The following ADAM17 variants were observed in gnomAD, a reference collection of about 807,000 sequenced individuals.
ADAM17 encodes disintegrin and metalloproteinase domain-containing protein 17.
A neutral mutation model predicts 96.7 loss-of-function variants in ADAM17; 39 were observed. The ratio of observed to expected loss-of-function variants is 0.40; its 90% confidence interval spans 0.31 to 0.53. ADAM17 has a LOEUF of 0.53. Ranked by LOEUF, ADAM17 falls within the 20% of genes least tolerant of loss-of-function variation. ADAM17 has a pLI of 0.44. For missense variants in ADAM17, 777 were observed against 1,013.2 expected (o/e 0.77, Z 3.17); for synonymous variants, 344 against 359.2 (o/e 0.96, Z 0.48).
rs746264614 is a variant in ADAM17 at position 9,490,391 on chromosome 2, A to C, written c.2261T>G (p.Leu754Arg). The change falls in exon 19 of 19, where the codon CTG becomes CGG. Residue 754 changes from leucine (L) to arginine (R), a missense_variant. Coordinates refer to ENST00000310823, the MANE Select transcript of ADAM17 (RefSeq NM_003183.6). ...VIPSAPAAPK[L>R]DHQRMDTIQE... ...GATGGTGTCCATTCTCTGGTGGTCCAGTTTTGGAGCTGCTGGCGCCGAAGG... is the reference window on the plus strand; with the variant it reads ...GATGGTGTCCATTCTCTGGTGGTCCCGTTTTGGAGCTGCTGGCGCCGAAGG... 4 of 1,613,938 alleles carry C rather than the reference A, an allele frequency of 2.5e-6. No homozygotes were observed. The highest frequency in any genetic ancestry group is 1.6e-4 in the Middle Eastern group (1 of 6,084).
chr2:9,492,959 C>A lies in ADAM17; in HGVS notation c.2021G>T (p.Gly674Val). The A allele has an allele frequency of 6.2e-7, 1 of 1,611,244 alleles. No homozygotes were observed. Among genetic ancestry groups the A allele is most frequent in the South Asian group, 1.1e-5 (1 of 90,662 alleles). The stretch of plus-strand genomic sequence containing the variant: ...TATCAAGGAGAAAACCAGGACAGAC[C>A]CAACGATGTTGTCTGCTAAAAACTT... ...FGKFLADNIV[G>V]SVLVFSLIFW... The change falls in exon 17 of 19, where the codon GGG (glycine) becomes GTG (valine). Residue 674 changes from glycine (G) to valine (V), a missense_variant. Gly to Val is a moderately radical substitution (Grantham distance 109, BLOSUM62 -3). Transcript: ENST00000310823.
chr2:9,497,422 G>A (rs993250947), intron 13 of ADAM17, among the ~76,000 whole-genome samples, 174 bp from the exon 14 acceptor site: 2 of 152,226 alleles, frequency 1.3e-5, no homozygotes, highest in African/African-American at 4.8e-5. Context: ...ATTTAAATGG[G>A]AGTGCCTGGC....
chr2:9,545,742 C>G (rs573155558), intron 1 of ADAM17, among the ~76,000 whole-genome samples: 2 of 152,250 alleles, frequency 1.3e-5, no homozygotes, highest in Non-Finnish European at 1.5e-5. Context: ...TGTTGTAACA[C>G]TTCCAAAGAC....
intron 1 of ADAM17, among the ~76,000 whole-genome samples, chr2:9,549,142 G>A (rs922702826): frequency 7.2e-5 from 11 of 152,208 alleles, no homozygotes; most frequent in African/African-American, 2.7e-4. Flanking sequence ...GGAGGCCGAG[G>A]TGGGTGGATC....
Position 9,488,527 on chromosome 2 carries a change from C to T in ADAM17, c.*1650G>A. The T allele has an allele frequency of 6.8e-6, 3 of 443,972 alleles. No individual in the cohort carries two copies. Among genetic ancestry groups the T allele is most frequent in the Admixed American group, 3.9e-5 (1 of 25,462 alleles). 27.5% of individuals were successfully genotyped at this position (443,972 alleles called of 1,614,324 possible). ...TTTATTAATGCAGATATCAGTGCTA[C>T]AGCTATAAAATATACCCTGAGCAGC... On this transcript the variant is annotated 3_prime_UTR_variant, in exon 19 of 19. Transcript: ENST00000310823.
chr2:9,510,703 AC>A, intron 10 of ADAM17, among the ~76,000 whole-genome samples: 1 of 150,388 alleles, frequency 6.6e-6, no homozygotes, highest in Admixed American at 6.6e-5. Flanking sequence ...ATGGTGGTGC[AC>A]ACCTGTGGTC....
At chr2:9,522,255 C>T (rs1044484752) in intron 7 of ADAM17, 22 of 407,820 alleles carry the variant, frequency 5.4e-5, no homozygotes, top group African/African-American at 3.5e-4. Context: ...TGCATAGCAC[C>T]GTTGTGTCAA....
chr2:9,523,671 A>G (rs1294494362), intron 6 of ADAM17, among the ~76,000 whole-genome samples: 1 of 152,214 alleles, frequency 6.6e-6, no homozygotes, highest in Admixed American at 6.5e-5. Flanking sequence ...AAAGTCAATC[A>G]GTATACCTGA....
intron 5 of ADAM17, 93 bp downstream of exon 5, chr2:9,527,693 A>T: frequency 1.2e-6 from 1 of 868,666 alleles, no homozygotes. Context: ...TTACTTGACA[A>T]TCATGTTATT....
chr2:9,545,440 G>C (rs904604388), intron 1 of ADAM17, among the ~76,000 whole-genome samples: 8 of 152,124 alleles, frequency 5.3e-5, no homozygotes, highest in Non-Finnish European at 7.4e-5. Context: ...CATGGCAGCA[G>C]ACGCCTATAA....
At chr2:9,500,330 C>T (rs538953121) in intron 13 of ADAM17, among the ~76,000 whole-genome samples, 1 of 152,230 alleles carries the variant, frequency 6.6e-6, no homozygotes, top group African/African-American at 2.4e-5. Context: ...TGTATAATTC[C>T]ATTTATATGA....
At chr2:9,532,053 G>A (rs1367391622) in intron 4 of ADAM17, among the ~76,000 whole-genome samples, 3 of 152,232 alleles carry the variant, frequency 2.0e-5, no homozygotes, top group Non-Finnish European at 4.4e-5. Flanking sequence ...CAAGGCTGCA[G>A]TGAGCTATGA....
intron 8 of ADAM17, among the ~76,000 whole-genome samples, chr2:9,518,826 G>C (rs1376674389): frequency 6.6e-6 from 1 of 150,722 alleles, no homozygotes; most frequent in African/African-American, 2.4e-5. Context: ...ATTTAAAAGG[G>C]CTTCATACAT....
At chr2:9,536,905 A>G (rs1664982332) in intron 2 of ADAM17, 77 bp from the exon 3 acceptor site, 2 of 1,491,258 alleles carry the variant, frequency 1.3e-6, no homozygotes, top group Admixed American at 3.9e-5. Context: ...AAACTTTCTT[A>G]AAAAGCCAGA....
intron 10 of ADAM17, among the ~76,000 whole-genome samples, chr2:9,514,543 AT>A (rs1349136308): frequency 1.6e-4 from 7 of 44,610 alleles, no homozygotes; most frequent in Non-Finnish European, 2.4e-4. Context: ...ATATATATAT[AT>A]ATATATATAT....
chr2:9,503,892 C>T (rs1174605176), intron 12 of ADAM17, among the ~76,000 whole-genome samples: 2 of 150,756 alleles, frequency 1.3e-5, no homozygotes, highest in East Asian at 3.9e-4. Flanking sequence ...GTGCCTCATA[C>T]CTAGAATCTC....
intron 1 of ADAM17, among the ~76,000 whole-genome samples, chr2:9,543,564 C>T (rs1350294940): frequency 1.3e-5 from 2 of 152,172 alleles, no homozygotes; most frequent in Non-Finnish European, 2.9e-5. Context: ...ACTGCAGACA[C>T]TATGGTATTC....
chr2:9,550,568 C>T (rs1005699236), intron 1 of ADAM17, among the ~76,000 whole-genome samples: 1 of 151,466 alleles, frequency 6.6e-6, no homozygotes, highest in Non-Finnish European at 1.5e-5. Context: ...GCCTCAGTCT[C>T]CCCAGTAGCT....
rs55790676 is a variant in ADAM17, at chr2:9,555,759, G to T, written c.-154C>A. 0.17 allele frequency: 98,509 copies of T among 587,790 alleles called. 9,370 individuals are homozygous for T. Among genetic ancestry groups the T allele is most frequent in the Middle Eastern group, 0.25 (500 of 2,000 alleles). The allele number at this position is 587,790 out of a possible 1,614,324, so 36.4% of individuals were successfully genotyped here. On this transcript the variant is annotated 5_prime_UTR_variant, in exon 1 of 19. Coordinates refer to ENST00000310823, the MANE Select transcript of ADAM17 (RefSeq NM_003183.6). ...CGCCGCCTACTGGGAAGATTCTACCGCCAGGCTCGACGCCCCCAGAAGTGC... is the reference window on the plus strand; with the variant it reads ...CGCCGCCTACTGGGAAGATTCTACCTCCAGGCTCGACGCCCCCAGAAGTGC...
Sources: allele counts gnomAD v4.1 joint callset (sites outside exome capture counted in the v4.1 genomes callset), GRCh38; gene constraint gnomAD v4.1.1; transcripts MANE v1.5; gene names NCBI Gene and HGNC (gene_info 2026-07-23, HGNC 2026-07-21).